The following TLR7 variants were observed in gnomAD, a reference collection of about 807,000 sequenced individuals.
TLR7 encodes the protein toll like receptor 7.
Under a neutral mutation model 38.3 loss-of-function variants are expected in TLR7, and 12 were observed. That is an observed-to-expected ratio of 0.31 (90% confidence interval 0.20 to 0.51). The LOEUF (loss-of-function observed/expected upper bound fraction) is 0.51, where lower values mean the gene tolerates loss of function less well. Ranked by LOEUF, TLR7 falls within the 20% of genes least tolerant of loss-of-function variation. The pLI, the probability that TLR7 is intolerant of heterozygous loss-of-function variation, is 0.98. For missense variants in TLR7, 504 were observed against 743.4 expected, an observed-to-expected ratio of 0.68 and a Z score of 3.74; for synonymous variants, 285 against 293.8, an observed-to-expected ratio of 0.97 and a Z score of 0.31.
At chrX:12,871,054 A>T (rs2042850739) in intron 2 of TLR7, among the ~76,000 whole-genome samples, 1 of 111,966 alleles carries the variant, frequency 8.9e-6, no homozygotes, top group Non-Finnish European at 1.9e-5. Flanking sequence ...ATATCCTTTT[A>T]TTCTTTTAGT....
intron 2 of TLR7, among the ~76,000 whole-genome samples, chrX:12,883,775 T>C (rs5743773): frequency 3.1e-3 from 342 of 110,595 alleles, no homozygotes; most frequent in African/African-American, 0.011. Flanking sequence ...AAGGAGGATG[T>C]TAAGAACAAT....
chrX:12,883,415 C>T (rs951234170), intron 2 of TLR7, among the ~76,000 whole-genome samples: 2 of 111,425 alleles, frequency 1.8e-5, no homozygotes, highest in Admixed American at 9.5e-5. Flanking sequence ...ACTAGTGAGG[C>T]TAGTAGAGGA....
rs201119854 is a variant in TLR7 at position 12,887,759 on chromosome X, T to C, written c.2251T>C (p.Tyr751His). The stretch of plus-strand genomic sequence containing the variant: ...TCTACAAGATGCCTTCCAGTTGCGA[T>C]ATCTGGATCTCAGCTCAAATAAAAT... Reference protein sequence around the residue: ...YFLQDAFQLRYLDLSSNKIQM... With the variant: ...YFLQDAFQLRHLDLSSNKIQM... Residue 751 changes from tyrosine to histidine, a missense_variant, in exon 3 of 3, where the codon TAT (tyrosine) becomes CAT (histidine). Physicochemically the swap from Tyr to His is moderately conservative, Grantham distance 83. Coordinates refer to ENST00000380659, the MANE Select transcript of TLR7 (RefSeq NM_016562.4). 2 of 1,211,092 alleles carry C rather than the reference T, an allele frequency of 1.7e-6. No individual in the cohort carries two copies. Among genetic ancestry groups the C allele is most frequent in the Non-Finnish European group, 2.2e-6 (2 of 894,584 alleles).
At chrX:12,874,797 A>G (rs933507696) in intron 2 of TLR7, among the ~76,000 whole-genome samples, 1 of 111,831 alleles carries the variant, frequency 8.9e-6, no homozygotes, top group African/African-American at 3.3e-5. Flanking sequence ...ACAAGACACA[A>G]ACCACTTACC....
rs1173604304 is a variant in TLR7, at chrX:12,886,810, A to G, written c.1302A>G (p.Ser434=). 1.7e-6 allele frequency: 2 copies of G among 1,209,190 alleles called. No individual in the cohort carries two copies. The highest frequency in any genetic ancestry group is 3.5e-5 in the South Asian group (2 of 56,543). ...TAGATCTTTCAGTGAATAAAATATC[A>G]CCTTCAGGAGATTCAAGTGAAGTTG... ...KVIDLSVNKI[S]PSGDSSEVGF... is the part of the protein sequence containing the mutation. Residue 434 remains serine (S), a synonymous_variant, in exon 3 of 3, where the codon TCA becomes TCG. Transcript: ENST00000380659.
intron 2 of TLR7, among the ~76,000 whole-genome samples, chrX:12,876,927 A>ATT (rs57760590): frequency 1.9e-5 from 2 of 106,629 alleles, no homozygotes; most frequent in African/African-American, 7.1e-5. Flanking sequence ...ATTACAAATA[A>ATT]AAAAAAAAAA....
intron 2 of TLR7, among the ~76,000 whole-genome samples, chrX:12,883,843 G>T (rs753704450): frequency 9.0e-6 from 1 of 111,416 alleles, no homozygotes; most frequent in South Asian, 3.8e-4. Flanking sequence ...AGATAGGGGG[G>T]TGACAAGAAG....
Position 12,889,920 on chromosome X carries a change from G to A in TLR7, c.*1262G>A, listed in dbSNP as rs2042925421. 8.9e-6 allele frequency: 1 copy of A among 112,577 alleles called. No homozygotes were observed. Among genetic ancestry groups the A allele is most frequent in the Non-Finnish European group, 1.9e-5 (1 of 53,320 alleles). The allele number at this position is 112,577 out of a possible 1,213,427, so 9.3% of individuals were successfully genotyped here. ...CAATTATTTGAATGCCAATTATATG[G>A]ATTCCTTTCATTTTTTGCTGGAGGA... On this transcript the variant is annotated 3_prime_UTR_variant, in exon 3 of 3. Coordinates refer to ENST00000380659, the MANE Select transcript of TLR7 (RefSeq NM_016562.4).
intron 2 of TLR7, among the ~76,000 whole-genome samples, chrX:12,873,072 A>G (rs1038611707): frequency 5.4e-5 from 6 of 111,477 alleles, no homozygotes; most frequent in Non-Finnish European, 1.1e-4. Context: ...TGCTTCAGCA[A>G]TATTGGCCCC....
Position 12,887,311 on chromosome X carries a change from G to A in TLR7, c.1803G>A (p.Leu601=). The change falls in exon 3 of 3, where the codon CTG becomes CTA. Residue 601 remains leucine (L), a synonymous_variant. Transcript: ENST00000380659. The part of the protein sequence containing the change: ...FTKNLKVLQK[L]MMNDNDISSS... ...AGAACCTAAAGGTTCTGCAGAAACT[G>A]ATGATGAACGACAATGACATCTCTT... 8.3e-7 allele frequency: 1 copy of A among 1,211,805 alleles called. No homozygotes were observed.
At chrX:12,868,525 C>T (rs1470441052) in intron 2 of TLR7, among the ~76,000 whole-genome samples, 2 of 111,534 alleles carry the variant, frequency 1.8e-5, no homozygotes. Flanking sequence ...TGCCTGTCAT[C>T]AAAGTCCTCT....
At chrX:12,878,111 C>G in intron 2 of TLR7, among the ~76,000 whole-genome samples, 1 of 112,136 alleles carries the variant, frequency 8.9e-6, no homozygotes. Context: ...AGTGCCAGCT[C>G]TGTCTCAATC....
rs183372465 is a variant in TLR7, at chrX:12,867,362, G to A, written c.-98-119G>A. ...CTCCAGTCTACCTAACTTTGAGGAA[G>A]TAAATACTGTAAATAGATGTTTCAA... On this transcript the variant is annotated intron_variant, in intron 1 of 2. Transcript: ENST00000380659. The A allele has an allele frequency of 2.4e-3, 788 of 334,522 alleles. 9 individuals carry two copies. Among genetic ancestry groups the A allele is most frequent in the African/African-American group, 0.02 (738 of 37,764 alleles). 27.6% of individuals were successfully genotyped at this position (334,522 alleles called of 1,213,427 possible).
intron 2 of TLR7, among the ~76,000 whole-genome samples, chrX:12,874,233 T>C (rs973777146): frequency 2.7e-5 from 3 of 110,578 alleles, no homozygotes; most frequent in Non-Finnish European, 5.7e-5. Context: ...GGCAGGAGAA[T>C]CACTTGAACC....
Position 12,887,201 on chromosome X carries a change from C to A in TLR7, c.1693C>A (p.Leu565Ile). ...ACTCCATTCAACAGCATTTGAAGAG[C>A]TTCACAAACTGGAAGTTCTGGATAT... ...DLLHSTAFEE[L>I]HKLEVLDISS... The change falls in exon 3 of 3, where the codon CTT becomes ATT. Residue 565 changes from leucine to isoleucine, a missense_variant. Leu to Ile is a conservative substitution (Grantham distance 5). Coordinates refer to ENST00000380659, the MANE Select transcript of TLR7 (RefSeq NM_016562.4). 1.7e-6 allele frequency: 2 copies of A among 1,211,533 alleles called. No individual in the cohort carries two copies. Among genetic ancestry groups the A allele is most frequent in the Non-Finnish European group, 2.2e-6 (2 of 895,448 alleles).
In TLR7 at chrX:12,887,718, G is replaced by T. The variant is rs201873447; in HGVS notation, c.2210G>T (p.Ser737Ile). Residue 737 changes from serine (S) to isoleucine (I), a missense_variant, in exon 3 of 3, where the codon AGT becomes ATT. Physicochemically the swap from Ser to Ile is moderately radical, Grantham distance 142 (BLOSUM62 -2). Transcript: ENST00000380659. ...ATTCTTAAGAATAATCAAATCAGGA[G>T]TCTGACGAAGTATTTTCTACAAGAT... is the stretch of plus-strand genomic sequence containing the variant. ...NLILKNNQIR[S>I]LTKYFLQDAF... 2 of 1,210,730 alleles carry T rather than the reference G, an allele frequency of 1.7e-6. No individual in the cohort carries two copies. Among genetic ancestry groups the T allele is most frequent in the Non-Finnish European group, 2.2e-6 (2 of 894,767 alleles).
At position 12,885,639 on chromosome X, in the gene TLR7, A is replaced by G. The variant is rs1306830975; in HGVS notation, c.131A>G (p.Lys44Arg). The G allele has an allele frequency of 1.2e-5, 14 of 1,212,048 alleles. No individual in the cohort carries two copies. The highest frequency in any genetic ancestry group is 1.6e-5 in the Non-Finnish European group (14 of 895,619). The change falls in exon 3 of 3, where the codon AAG (lysine) becomes AGG (arginine). Residue 44 changes from lysine (K) to arginine (R), a missense_variant. By Grantham distance (26) the Lys-to-Arg change is conservative. Transcript: ENST00000380659. ...LPCDVTLDVP[K>R]NHVIVDCTDK... is the part of the protein sequence containing the mutation. ...TGTGATGTCACTCTGGATGTTCCAA[A>G]GAACCATGTGATCGTGGACTGCACA...
At position 12,888,335 on chromosome X, in the gene TLR7, C is replaced by T; in HGVS notation, c.2827C>T (p.Leu943Phe). Residue 943 changes from leucine (L) to phenylalanine (F), a missense_variant, in exon 3 of 3, where the codon CTT (leucine) becomes TTT (phenylalanine). Physicochemically the swap from Leu to Phe is conservative, Grantham distance 22 (BLOSUM62 0). Transcript: ENST00000380659. ...WLPGQPVLEN[L>F]SQSIQLSKKT... Reference sequence around the variant, plus strand: ...ACCAGGGCAGCCAGTTCTGGAAAACCTTTCCCAGAGCATACAGCTTAGCAA... The same window carrying T: ...ACCAGGGCAGCCAGTTCTGGAAAACTTTTCCCAGAGCATACAGCTTAGCAA... 8.3e-7 allele frequency: 1 copy of T among 1,211,630 alleles called. No individual in the cohort carries two copies.
intron 2 of TLR7, chrX:12,877,656 G>C (rs918270760): frequency 9.0e-6 from 1 of 110,996 alleles, no homozygotes; most frequent in Non-Finnish European, 1.9e-5. Flanking sequence ...AACGAGCTCT[G>C]TGCTTTCACT....
Sources: gnomAD v4.1 joint callset for allele counts (sites outside exome capture counted in the v4.1 genomes callset) on GRCh38, gnomAD v4.1.1 for gene constraint, MANE v1.5 for transcripts, NCBI Gene and HGNC (gene_info 2026-07-23, HGNC 2026-07-21) for gene names.